Variants in SPATC1 observed in about 807,000 individuals in gnomAD.
The protein encoded by SPATC1 is spermatogenesis and centriole associated 1.
Under a neutral mutation model 36.5 loss-of-function variants are expected in SPATC1, and 35 were observed. That is an observed-to-expected ratio of 0.96 (90% confidence interval 0.73 to 1.27). SPATC1 has a LOEUF of 1.27. SPATC1 is among the 50% of genes most tolerant of loss of function. The pLI is 0.00. For missense variants in SPATC1, 779 were observed against 796.0 expected (o/e 0.98, Z 0.26); for synonymous variants, 361 against 353.6 (o/e 1.02, Z -0.24).
At chr8:144,039,378 A>G (rs1554755287) in intron 1 of SPATC1, among the ~76,000 whole-genome samples, 5 of 152,230 alleles carry the variant, frequency 3.3e-5, no homozygotes, top group African/African-American at 1.2e-4. Flanking sequence ...GGCAGGGACC[A>G]TGCAAGGGTG....
chr8:144,034,643 G>T (rs1453112541), intron 1 of SPATC1, among the ~76,000 whole-genome samples: 2 of 150,790 alleles, frequency 1.3e-5, no homozygotes, highest in African/African-American at 4.9e-5. Context: ...TTTATTTTTA[G>T]ACGGAGCCTC....
chr8:144,037,348 T>A (rs1402544535), intron 1 of SPATC1, among the ~76,000 whole-genome samples: 2 of 151,568 alleles, frequency 1.3e-5, no homozygotes, highest in African/African-American at 4.8e-5. Context: ...CGGGCCATGA[T>A]GACAATGGCG....
chr8:144,031,261 A>C (rs1032331357), intron 1 of SPATC1, among the ~76,000 whole-genome samples: 7,216 of 152,072 alleles, frequency 0.047, 575 homozygotes, highest in African/African-American at 0.16. Flanking sequence ...TTCCTCATTC[A>C]TCTTTGAAGG....
chr8:144,044,459 G>A (rs1289422277), intron 4 of SPATC1, among the ~76,000 whole-genome samples: 78 of 148,408 alleles, frequency 5.3e-4, no homozygotes, highest in Non-Finnish European at 1.0e-3. Flanking sequence ...CCGCCACCAC[G>A]CCCAGCTAAT....
In SPATC1 at chr8:144,046,857, G is replaced by GGA. The variant is rs1835281500; in HGVS notation, c.1680_1681dup (p.Thr561ArgfsTer52). On this transcript the variant is annotated frameshift_variant, in exon 5 of 5. Coordinates refer to ENST00000377470, the MANE Select transcript of SPATC1 (RefSeq NM_198572.3). LOFTEE classifies it high-confidence loss of function. This position sits in a 1 kb window ranked among gnomAD's most constrained non-coding sequence, Gnocchi z 6.6. ...TGGACTTCCTGCAGCGTGTGGTGGT[G>GGA]GAGACCGTGCACCCCGGCATGCTCG... The GGA allele has an allele frequency of 1.2e-6, 2 of 1,601,574 alleles. No homozygotes were observed. Among genetic ancestry groups the GGA allele is most frequent in the East Asian group, 4.5e-5 (2 of 44,878 alleles).
In SPATC1 at chr8:144,046,953, G is replaced by A. The variant is rs113583542; in HGVS notation, c.1773G>A (p.Trp591Ter). ...AHDDGKPMFIW is the reference protein window; with the variant it reads ...AHDDGKPMFI The stretch of plus-strand genomic sequence containing the variant: ...ATGACGGCAAGCCCATGTTCATCTG[G>A]TGACGCTGGAGCTGGGAGGTCCAGG... The change falls in exon 5 of 5, where the codon TGG (tryptophan) becomes TGA (stop). Residue 591 changes from tryptophan (W) to a stop codon, truncating the protein, a stop_gained. Transcript: ENST00000377470. LOFTEE classifies it high-confidence loss of function. The surrounding 1 kb of genome is among the most constrained non-coding windows in gnomAD (Gnocchi z 6.6). The A allele has an allele frequency of 4.4e-6, 7 of 1,595,526 alleles. No individual in the cohort carries two copies. The African/African-American group carries it at 8.0e-5, about 18-fold the overall frequency.
intron 1 of SPATC1, among the ~76,000 whole-genome samples, chr8:144,031,584 G>A (rs1834797088): frequency 2.0e-5 from 3 of 149,868 alleles, no homozygotes; most frequent in Admixed American, 1.3e-4. Context: ...GTATCTCAGT[G>A]AAAATCTCTA....
intron 1 of SPATC1, among the ~76,000 whole-genome samples, chr8:144,026,317 T>C (rs893291678): frequency 1.5e-4 from 23 of 152,248 alleles, no homozygotes; most frequent in Admixed American, 8.5e-4. Flanking sequence ...ACTATTCCAG[T>C]GTATGGCTAT....
intron 1 of SPATC1, among the ~76,000 whole-genome samples, chr8:144,019,162 C>T (rs1834453885): frequency 1.3e-5 from 2 of 152,058 alleles, no homozygotes; most frequent in South Asian, 4.1e-4. Context: ...AAGGCAGCAG[C>T]CATCAATCTC....
intron 1 of SPATC1, among the ~76,000 whole-genome samples, chr8:144,015,045 T>TAAAA (rs1834355964): frequency 1.3e-5 from 2 of 151,054 alleles, no homozygotes; most frequent in African/African-American, 4.9e-5. Context: ...ATTTAAAATT[T>TAAAA]TTTTTTTTTT....
chr8:144,037,390 G>A (rs1200835685), intron 1 of SPATC1, among the ~76,000 whole-genome samples: 19 of 152,102 alleles, frequency 1.2e-4, no homozygotes, highest in African/African-American at 4.3e-4. Context: ...GGAAAGGTGG[G>A]GAAAAGATTG....
chr8:144,023,494 A>G (rs1834597005), intron 1 of SPATC1, among the ~76,000 whole-genome samples: 1 of 82,598 alleles, frequency 1.2e-5, no homozygotes, highest in Non-Finnish European at 2.7e-5. Context: ...TCGCCTCAGT[A>G]CCCTCCTCTC....
intron 4 of SPATC1, among the ~76,000 whole-genome samples, chr8:144,044,461 C>T (rs1435700206): frequency 6.7e-6 from 1 of 148,590 alleles, no homozygotes; most frequent in Non-Finnish European, 1.5e-5. Context: ...GCCACCACGC[C>T]CAGCTAATTT....
chr8:144,011,120 A>G (rs1834278682), upstream of SPATC1, among the ~76,000 whole-genome samples: 1 of 152,028 alleles, frequency 6.6e-6, no homozygotes, highest in South Asian at 2.1e-4. The surrounding 1 kb of genome is among the most constrained non-coding windows in gnomAD (Gnocchi z 4.5). Context: ...ACACCTGGAC[A>G]CTATAGCCTC....
chr8:144,017,254 C>T (rs550746458), intron 1 of SPATC1, among the ~76,000 whole-genome samples: 1 of 152,336 alleles, frequency 6.6e-6, no homozygotes, highest in African/African-American at 2.4e-5. Flanking sequence ...TTTCTCTGGC[C>T]ACTTCCTCAA....
In SPATC1 at chr8:144,039,909, G is replaced by A. The variant is rs782140014; in HGVS notation, c.212G>A (p.Gly71Asp). ...TAGLSSRQNN[G>D]VFLPPSPAVA... ...CTCAGTGCTTTCTCTGTGTTCCCAG[G>A]TGTCTTCCTGCCCCCGTCCCCAGCA... Residue 71 changes from glycine to aspartate, a missense_variant and splice_region_variant, in exon 2 of 5, where the codon GGT becomes GAT. Coordinates refer to ENST00000377470, the MANE Select transcript of SPATC1 (RefSeq NM_198572.3). 1 of 1,611,706 alleles carries A rather than the reference G, an allele frequency of 6.2e-7. No homozygotes were observed. The highest frequency in any genetic ancestry group is 8.5e-7 in the Non-Finnish European group (1 of 1,178,578).
chr8:144,040,773 C>CG lies in SPATC1; in HGVS notation c.972_973insG (p.Ser325ValfsTer46), dbSNP rs1835062474. The CG allele has an allele frequency of 1.3e-6, 2 of 1,593,684 alleles. No homozygotes were observed. The highest frequency in any genetic ancestry group is 1.7e-6 in the Non-Finnish European group (2 of 1,170,908). On this transcript the variant is annotated frameshift_variant, in exon 3 of 5. Coordinates refer to ENST00000377470, the MANE Select transcript of SPATC1 (RefSeq NM_198572.3). LOFTEE classifies it high-confidence loss of function. ...AAGTGGTCCCTGCATCTGTCCCCAC[C>CG]TCCCCCACCACCTCCCCCACGGTCA...
chr8:144,044,017 T>C (rs1307084445), intron 4 of SPATC1, among the ~76,000 whole-genome samples: 1 of 152,138 alleles, frequency 6.6e-6, no homozygotes, highest in African/African-American at 2.4e-5. Context: ...CTTCCGCTGG[T>C]CCAAACTGCT....
chr8:144,040,927 C>A lies in SPATC1; in HGVS notation c.1126C>A (p.Leu376Met), dbSNP rs782028067. 1.9e-6 allele frequency: 3 copies of A among 1,597,308 alleles called. No homozygotes were observed. The highest frequency in any genetic ancestry group is 1.7e-5 in the Admixed American group (1 of 58,534). Residue 376 changes from leucine (L) to methionine (M), a missense_variant, in exon 3 of 5, where the codon CTG becomes ATG. Leu to Met is a conservative substitution (Grantham distance 15). Transcript: ENST00000377470. ...SRMHNSPTQNLPVPHCPPHNA... is the reference protein window; with the variant it reads ...SRMHNSPTQNMPVPHCPPHNA... Reference sequence around the variant, plus strand: ...AATGCATAATTCCCCAACCCAGAACCTGCCTGTCCCCCACTGTCCTCCACA... The same window carrying A: ...AATGCATAATTCCCCAACCCAGAACATGCCTGTCCCCCACTGTCCTCCACA...
Sources: allele counts gnomAD v4.1 joint callset (sites outside exome capture counted in the v4.1 genomes callset), GRCh38; gene constraint gnomAD v4.1.1; non-coding constraint Gnocchi (gnomAD v3.1); transcripts MANE v1.5; gene names NCBI Gene and HGNC (gene_info 2026-07-23, HGNC 2026-07-21).